The following PEBP4 variants were observed in gnomAD, a reference collection of about 807,000 sequenced individuals.
The protein encoded by PEBP4 is phosphatidylethanolamine binding protein 4.
In PEBP4, 22 loss-of-function variants were observed where a neutral mutation model predicts 23.9. The ratio of observed to expected loss-of-function variants is 0.92; its 90% CI spans 0.66 to 1.31. PEBP4 has a LOEUF of 1.31. PEBP4 is among the 40% of genes most tolerant of loss of function. The probability of loss-of-function intolerance (pLI) is 0.00; values close to 1 mark genes in which losing one functional copy is unlikely to be tolerated. For synonymous variants in PEBP4, 112 were observed against 99.3 expected (o/e 1.13, Z -0.76); for missense variants, 324 against 281.7 (o/e 1.15, Z -1.07).
chr8:22,772,382 T>C (rs1473642713), intron 4 of PEBP4, among the ~76,000 whole-genome samples: 1 of 152,152 alleles, frequency 6.6e-6, no homozygotes, highest in Non-Finnish European at 1.5e-5. Context: ...AAGCACTCAG[T>C]AACTCATACT....
At chr8:22,843,252 T>C (rs974725667) in intron 3 of PEBP4, among the ~76,000 whole-genome samples, 4 of 152,230 alleles carry the variant, frequency 2.6e-5, no homozygotes, top group Non-Finnish European at 2.9e-5. Flanking sequence ...TGTAAGCCAC[T>C]GCGCCTGGCC....
chr8:22,881,534 C>G (rs1808259290), intron 3 of PEBP4, among the ~76,000 whole-genome samples: 1 of 152,158 alleles, frequency 6.6e-6, no homozygotes, highest in Non-Finnish European at 1.5e-5. Flanking sequence ...TGCCTAGAGC[C>G]ATGCCAGGTA....
chr8:22,934,782 T>A (rs6987964), intron 1 of PEBP4, among the ~76,000 whole-genome samples: 652 of 152,330 alleles, frequency 4.3e-3, no homozygotes, highest in African/African-American at 0.013. Context: ...TGGATTTAAA[T>A]TTAAATTTAA....
At chr8:22,748,999 G>T (rs1159693876) in intron 4 of PEBP4, among the ~76,000 whole-genome samples, 4 of 152,108 alleles carry the variant, frequency 2.6e-5, no homozygotes, top group Admixed American at 2.0e-4. Context: ...GAATTTGGGG[G>T]GTTCCACTGC....
chr8:22,811,173 C>T (rs1252606400), intron 4 of PEBP4, among the ~76,000 whole-genome samples: 1 of 151,680 alleles, frequency 6.6e-6, no homozygotes, highest in Non-Finnish European at 1.5e-5. Flanking sequence ...CTGCATTATC[C>T]CTTGAATATT....
intron 3 of PEBP4, among the ~76,000 whole-genome samples, chr8:22,872,383 CAGGCCA>C (rs879667440): frequency 7.8e-4 from 119 of 152,350 alleles, no homozygotes; most frequent in African/African-American, 2.8e-3. Flanking sequence ...AGGGATGAAT[CAGGCCA>C]AGAGACAGGA....
intron 1 of PEBP4, among the ~76,000 whole-genome samples, chr8:22,936,372 C>T (rs1385276622): frequency 6.6e-6 from 1 of 151,850 alleles, no homozygotes; most frequent in Middle Eastern, 3.2e-3. Flanking sequence ...TGGACAAATT[C>T]CTGGAAACAT....
At chr8:22,784,600 G>A (rs545395517) in intron 4 of PEBP4, among the ~76,000 whole-genome samples, 3 of 152,316 alleles carry the variant, frequency 2.0e-5, no homozygotes, top group African/African-American at 2.4e-5. Context: ...CTGATTTAGC[G>A]CACGCCTTGT....
chr8:22,871,707 A>T (rs571454991), intron 3 of PEBP4, among the ~76,000 whole-genome samples: 2 of 152,022 alleles, frequency 1.3e-5, no homozygotes, highest in East Asian at 3.9e-4. Flanking sequence ...GGCACGTGCC[A>T]CCATGCCCAG....
rs552776506 is a variant in PEBP4, at chr8:22,785,143, C to T, written c.357+32494G>A. 6.6e-5 allele frequency among the ~76,000 whole-genome samples: 10 copies of T among 152,324 alleles called. No individual in the cohort carries two copies. In the South Asian group the frequency reaches 2.1e-3, roughly 32 times the overall value. ...AGTGGGACGACAGGGCAGCTCAGCACAGACCCACGGGGGCCCGGCAACTTC... is the reference window on the plus strand; with the variant it reads ...AGTGGGACGACAGGGCAGCTCAGCATAGACCCACGGGGGCCCGGCAACTTC... On this transcript the variant is annotated intron_variant, in intron 4 of 6. Transcript: ENST00000256404.
intron 3 of PEBP4, among the ~76,000 whole-genome samples, chr8:22,832,693 T>G (rs1022978304): frequency 2.0e-5 from 3 of 152,166 alleles, no homozygotes; most frequent in African/African-American, 7.2e-5. Context: ...TCAGCAGACA[T>G]TGAGACAGTC....
At chr8:22,926,445 A>G (rs941012784) in intron 2 of PEBP4, among the ~76,000 whole-genome samples, 2 of 152,048 alleles carry the variant, frequency 1.3e-5, no homozygotes, top group Non-Finnish European at 2.9e-5. Flanking sequence ...CCTGGGTTTA[A>G]GCGATCCTCC....
intron 3 of PEBP4, among the ~76,000 whole-genome samples, chr8:22,848,160 A>G (rs904158690): frequency 6.6e-6 from 1 of 152,166 alleles, no homozygotes; most frequent in Non-Finnish European, 1.5e-5. Flanking sequence ...TGCTTCATTA[A>G]GAATATCTAT....
intron 3 of PEBP4, among the ~76,000 whole-genome samples, chr8:22,867,039 G>C (rs952986868): frequency 2.0e-5 from 3 of 152,134 alleles, no homozygotes; most frequent in Admixed American, 6.5e-5. Flanking sequence ...GAACGAAGAG[G>C]GGAAAGGGTG....
intron 4 of PEBP4, among the ~76,000 whole-genome samples, chr8:22,773,155 T>A (rs1805749608): frequency 6.6e-6 from 1 of 151,896 alleles, no homozygotes; most frequent in African/African-American, 2.4e-5. Flanking sequence ...GGAAAACACA[T>A]AGAGATAAAT....
chr8:22,735,320 G>A (rs991963469), intron 4 of PEBP4, among the ~76,000 whole-genome samples: 1 of 152,124 alleles, frequency 6.6e-6, no homozygotes, highest in Admixed American at 6.5e-5. Context: ...ATTGAAAGGA[G>A]GCTAGATATG....
At chr8:22,759,609 C>T (rs980420666) in intron 4 of PEBP4, among the ~76,000 whole-genome samples, 3 of 152,168 alleles carry the variant, frequency 2.0e-5, no homozygotes, top group African/African-American at 7.2e-5. Context: ...CCCACCACCT[C>T]CCCGGGAGCC....
intron 3 of PEBP4, among the ~76,000 whole-genome samples, chr8:22,847,388 T>C (rs1275379156): frequency 1.3e-5 from 2 of 152,208 alleles, no homozygotes; most frequent in Non-Finnish European, 2.9e-5. Context: ...TCTGCTCTCT[T>C]GAAATCTCCA....
intron 4 of PEBP4, among the ~76,000 whole-genome samples, chr8:22,739,921 G>A (rs1804953809): frequency 6.6e-6 from 1 of 152,194 alleles, no homozygotes; most frequent in Non-Finnish European, 1.5e-5. Context: ...GGGAGGGGGT[G>A]CCCAACAGCC....
Sources: allele counts gnomAD v4.1 joint callset (sites outside exome capture counted in the v4.1 genomes callset), GRCh38; gene constraint gnomAD v4.1.1; transcripts MANE v1.5; gene names NCBI Gene and HGNC (gene_info 2026-07-23, HGNC 2026-07-21).